EXOC4: variants seen among roughly 807,000 people sequenced by gnomAD.
EXOC4 encodes the protein SEC8-like 1.
Under a neutral mutation model 107.2 loss-of-function variants are expected in EXOC4, and 71 were observed. The ratio of observed to expected loss-of-function variants is 0.66; its 90% CI spans 0.55 to 0.81. The LOEUF is 0.81. Ranked by LOEUF, EXOC4 falls within the 30% of genes least tolerant of loss-of-function variation. The pLI, the probability that EXOC4 is intolerant of heterozygous loss-of-function variation, is 0.00. For synonymous variants in EXOC4, 456 were observed against 441.2 expected, an observed-to-expected ratio of 1.03 and a Z score of -0.42; for missense variants, 1,108 against 1,189.6, an observed-to-expected ratio of 0.93 and a Z score of 1.01.
chr7:133,895,866 T>G, intron 12 of EXOC4, 131 bp downstream of exon 12: 1 of 954,264 alleles, frequency 1.0e-6, no homozygotes, highest in East Asian at 2.5e-5. Flanking sequence ...AGAACATGCA[T>G]CATGGAAATA....
chr7:133,399,427 G>A (rs528169613), intron 7 of EXOC4, among the ~76,000 whole-genome samples: 85 of 152,242 alleles, frequency 5.6e-4, no homozygotes, highest in African/African-American at 1.9e-3. Flanking sequence ...AGCATCACTC[G>A]TTCATTGAAT....
chr7:133,868,193 T>A (rs760937972), intron 11 of EXOC4, among the ~76,000 whole-genome samples: 2 of 152,182 alleles, frequency 1.3e-5, no homozygotes, highest in Non-Finnish European at 2.9e-5. Context: ...CATAGAACCA[T>A]GAAGATTTGG....
intron 17 of EXOC4, among the ~76,000 whole-genome samples, chr7:134,020,425 TTTACTCTTATCTCCTAC>T (rs1795002604): frequency 1.3e-5 from 2 of 152,172 alleles, no homozygotes; most frequent in Non-Finnish European, 2.9e-5. Flanking sequence ...TTTAGTCCCC[TTTACTCTTATCTCCTAC>T]TGCAGGCAGC....
At chr7:133,961,304 T>TTTTG (rs869113434) in intron 14 of EXOC4, among the ~76,000 whole-genome samples, 1 of 147,126 alleles carries the variant, frequency 6.8e-6, no homozygotes, top group Non-Finnish European at 1.5e-5. Flanking sequence ...TTTTTTTTTT[T>TTTTG]GAGATGGAGT....
intron 17 of EXOC4, among the ~76,000 whole-genome samples, chr7:134,026,528 T>C (rs912321551): frequency 2.7e-5 from 4 of 150,578 alleles, no homozygotes; most frequent in Admixed American, 6.7e-5. Context: ...GAGGGATAGA[T>C]ACTAGATAAA....
intron 14 of EXOC4, among the ~76,000 whole-genome samples, chr7:133,958,303 G>A (rs1483238282): frequency 1.3e-5 from 2 of 150,818 alleles, no homozygotes; most frequent in Non-Finnish European, 2.9e-5. Context: ...AAAACTGATA[G>A]TAACAATTAC....
intron 7 of EXOC4, among the ~76,000 whole-genome samples, chr7:133,395,109 C>CTTTT (rs200545904): frequency 9.2e-5 from 12 of 130,884 alleles, no homozygotes; most frequent in African/African-American, 3.4e-4. Flanking sequence ...ATACTTTTGC[C>CTTTT]TTTTTTTTTT....
intron 17 of EXOC4, among the ~76,000 whole-genome samples, chr7:134,009,114 T>C (rs1368602795): frequency 2.0e-5 from 3 of 152,238 alleles, no homozygotes; most frequent in African/African-American, 7.2e-5. Flanking sequence ...CTTCATGCTC[T>C]ATTGCCGTTT....
intron 10 of EXOC4, among the ~76,000 whole-genome samples, chr7:133,656,567 A>G (rs1198430594): frequency 6.6e-6 from 1 of 152,186 alleles, no homozygotes; most frequent in Non-Finnish European, 1.5e-5. Flanking sequence ...TACTAATGAA[A>G]TGACCCATCA....
chr7:133,327,232 G>A (rs758324520), intron 5 of EXOC4, among the ~76,000 whole-genome samples: 5 of 152,168 alleles, frequency 3.3e-5, no homozygotes, highest in Admixed American at 3.3e-4. Flanking sequence ...CCCACTGTCC[G>A]ACAAGCCCCA....
Position 133,444,735 on chromosome 7 carries a change from G to C in EXOC4, c.1183-30593G>C, listed in dbSNP as rs76128759. Among the ~76,000 whole-genome samples the C allele has an allele frequency of 2.6e-3, 394 of 152,204 alleles. 3 individuals carry two copies. The highest frequency in any genetic ancestry group is 9.0e-3 in the African/African-American group (372 of 41,528). On this transcript the variant is annotated intron_variant, in intron 7 of 17. Transcript: ENST00000253861. ...TTGAGGGAACGGAGAAGAAAATTGG[G>C]TCTTGTATTTTGGCTATGTTAAATG...
At chr7:133,689,367 AG>A (rs1246261876) in intron 10 of EXOC4, among the ~76,000 whole-genome samples, 5 of 152,180 alleles carry the variant, frequency 3.3e-5, no homozygotes, top group African/African-American at 1.2e-4. Flanking sequence ...AATTTATTCA[AG>A]GGGGGCTACT....
the EXOC4 span, among the ~76,000 whole-genome samples, chr7:134,071,614 G>A: frequency 2.0e-5 from 3 of 152,142 alleles, no homozygotes; most frequent in East Asian, 5.8e-4. Flanking sequence ...GCATAACATT[G>A]TTCTTGGGTG....
rs146806262 is a variant in EXOC4 at position 133,912,292 on chromosome 7, G to A, written c.1872-5291G>A. On this transcript the variant is annotated intron_variant, in intron 12 of 17. Coordinates refer to ENST00000253861, the MANE Select transcript of EXOC4 (RefSeq NM_021807.4). The stretch of plus-strand genomic sequence containing the variant: ...TTCACAGAGAAAGTGAGTTTTTGAG[G>A]AGACTTTCCAATAATAGGCCACCTA... Among the ~76,000 whole-genome samples, 58 of 152,318 alleles carry A rather than the reference G, an allele frequency of 3.8e-4. 1 individual carries two copies. In the East Asian group the frequency reaches 0.011, roughly 28 times the overall value.
intron 10 of EXOC4, among the ~76,000 whole-genome samples, chr7:133,777,722 A>G (rs994840644): frequency 2.6e-5 from 4 of 152,230 alleles, no homozygotes; most frequent in African/African-American, 9.7e-5. Flanking sequence ...GCAAGTCGCT[A>G]AACCTCTCTG....
At chr7:133,258,366 T>G (rs1795065719) in intron 1 of EXOC4, among the ~76,000 whole-genome samples, 1 of 152,188 alleles carries the variant, frequency 6.6e-6, no homozygotes, top group Non-Finnish European at 1.5e-5. Flanking sequence ...CAAGCCATTA[T>G]TTGTACATAG....
chr7:133,262,006 CT>C (rs1007063247), intron 1 of EXOC4, among the ~76,000 whole-genome samples: 14 of 152,168 alleles, frequency 9.2e-5, no homozygotes, highest in Non-Finnish European at 7.3e-5. Context: ...CATTACTGCC[CT>C]GCAGATTCTA....
intron 9 of EXOC4, among the ~76,000 whole-genome samples, chr7:133,594,588 G>T (rs1452257251): frequency 7.4e-6 from 1 of 135,350 alleles, no homozygotes; most frequent in Non-Finnish European, 1.5e-5. Flanking sequence ...TCCGCCTCCT[G>T]GTTCAAGCGA....
At chr7:133,854,420 A>G (rs1217549499) in intron 11 of EXOC4, among the ~76,000 whole-genome samples, 2 of 150,170 alleles carry the variant, frequency 1.3e-5, no homozygotes, top group African/African-American at 4.9e-5. Flanking sequence ...ACACACACAC[A>G]CACACACACA....
Sources: allele counts gnomAD v4.1 joint callset (sites outside exome capture counted in the v4.1 genomes callset), GRCh38; gene constraint gnomAD v4.1.1; transcripts MANE v1.5; gene names NCBI Gene and HGNC (gene_info 2026-07-23, HGNC 2026-07-21).